The following ATP8B4 variants were observed in gnomAD, a reference collection of about 807,000 sequenced individuals.
ATP8B4 encodes probable phospholipid-transporting ATPase IM.
Under a neutral mutation model 145.6 loss-of-function variants are expected in ATP8B4, and 133 were observed. The ratio of observed to expected loss-of-function variants is 0.91; its 90% CI spans 0.79 to 1.05. ATP8B4 has a LOEUF of 1.05. ATP8B4 is among the 50% of genes least tolerant of loss of function. The pLI, the probability that ATP8B4 is intolerant of heterozygous loss-of-function variation, is 0.00. For synonymous variants in ATP8B4, 507 were observed against 492.9 expected (o/e 1.03, Z -0.38); for missense variants, 1,458 against 1,425.2 (o/e 1.02, Z -0.37).
intron 8 of ATP8B4, among the ~76,000 whole-genome samples, chr15:50,000,163 T>C (rs773357245): frequency 6.6e-6 from 1 of 152,214 alleles, no homozygotes; most frequent in Non-Finnish European, 1.5e-5. Context: ...TAAACATTCA[T>C]GTACAGGTTT....
At chr15:49,941,084 A>T (rs2042129562) in intron 14 of ATP8B4, among the ~76,000 whole-genome samples, 1 of 152,102 alleles carries the variant, frequency 6.6e-6, no homozygotes, top group Non-Finnish European at 1.5e-5. Context: ...ATGGTGGGGG[A>T]TAGGGAGTAG....
chr15:50,145,684 CCTTTCTTT>C (rs538990258), intron 1 of ATP8B4, among the ~76,000 whole-genome samples: 2 of 152,036 alleles, frequency 1.3e-5, no homozygotes, highest in Non-Finnish European at 1.5e-5. Flanking sequence ...CTTTTTCCTT[CCTTTCTTT>C]CTTTCTTTCT....
At chr15:49,963,819 G>A (rs903373209) in intron 13 of ATP8B4, among the ~76,000 whole-genome samples, 3 of 152,028 alleles carry the variant, frequency 2.0e-5, no homozygotes, top group Admixed American at 2.0e-4. Context: ...TAGGTGATGG[G>A]ATGATCTGTC....
intron 14 of ATP8B4, among the ~76,000 whole-genome samples, chr15:49,957,352 CACAA>C (rs1260555011): frequency 2.0e-5 from 3 of 151,630 alleles, no homozygotes; most frequent in Admixed American, 1.3e-4. Context: ...AAGAAACGCA[CACAA>C]ACACACACAC....
At chr15:50,043,577 C>T (rs1283330128) in intron 5 of ATP8B4, among the ~76,000 whole-genome samples, 1 of 152,188 alleles carries the variant, frequency 6.6e-6, no homozygotes, top group Non-Finnish European at 1.5e-5. Context: ...TGATCTACTT[C>T]CACTTAATGA....
chr15:50,113,950 C>T (rs1595605474), intron 1 of ATP8B4, among the ~76,000 whole-genome samples: 1 of 147,966 alleles, frequency 6.8e-6, no homozygotes, highest in Non-Finnish European at 1.5e-5. Flanking sequence ...TACTGTATAA[C>T]ATACAGCAGG....
At chr15:50,017,804 A>C (rs1425606983) in intron 6 of ATP8B4, among the ~76,000 whole-genome samples, 1 of 152,196 alleles carries the variant, frequency 6.6e-6, no homozygotes. Context: ...TTCTGATTTT[A>C]CAGCACAAAG....
rs563561060 is a variant in ATP8B4 at position 50,042,944 on chromosome 15, C to A, written c.300+1650G>T. The stretch of plus-strand genomic sequence containing the variant: ...AACAGCTAGATAATAGATGGCCTAA[C>A]CATAATGATAATTATATTAAACATA... On this transcript the variant is annotated intron_variant, in intron 5 of 27. Transcript: ENST00000284509. 3.9e-5 allele frequency among the ~76,000 whole-genome samples: 6 copies of A among 152,230 alleles called. No homozygotes were observed. In the East Asian group the frequency reaches 1.2e-3, roughly 29 times the overall value.
At chr15:50,111,787 A>T (rs1029726630) in intron 1 of ATP8B4, among the ~76,000 whole-genome samples, 1 of 152,188 alleles carries the variant, frequency 6.6e-6, no homozygotes, top group Non-Finnish European at 1.5e-5. Context: ...CAGACCATTG[A>T]TGTCTCTTTG....
chr15:49,967,492 T>C (rs2044661339), intron 13 of ATP8B4, among the ~76,000 whole-genome samples: 1 of 151,950 alleles, frequency 6.6e-6, no homozygotes, highest in Admixed American at 6.6e-5. Context: ...AATCAATAGC[T>C]GAATCGATCA....
At chr15:49,877,126 T>C (rs925715519) in intron 24 of ATP8B4, among the ~76,000 whole-genome samples, 5 of 152,114 alleles carry the variant, frequency 3.3e-5, no homozygotes, top group Non-Finnish European at 7.4e-5. Context: ...TTACCAGGTG[T>C]TCAGGACAAA....
chr15:49,934,861 G>T (rs1320528560), intron 14 of ATP8B4, among the ~76,000 whole-genome samples: 1 of 152,086 alleles, frequency 6.6e-6, no homozygotes, highest in Admixed American at 6.6e-5. Context: ...TTTATCAGCT[G>T]CAGAGTCCAC....
intron 23 of ATP8B4, chr15:49,885,684 A>T (rs1255190153): frequency 6.6e-6 from 1 of 152,094 alleles, no homozygotes; most frequent in African/African-American, 2.4e-5. Context: ...TATTACCTTA[A>T]CCAGACGCCC....
intron 9 of ATP8B4, among the ~76,000 whole-genome samples, chr15:49,989,176 A>C (rs2046860251): frequency 6.6e-6 from 1 of 152,186 alleles, no homozygotes; most frequent in Non-Finnish European, 1.5e-5. Flanking sequence ...GTAAAAAGTA[A>C]ATTAAAACTG....
At chr15:49,992,177 A>G (rs1757747460) in intron 9 of ATP8B4, among the ~76,000 whole-genome samples, 1 of 152,212 alleles carries the variant, frequency 6.6e-6, no homozygotes, top group Admixed American at 6.6e-5. Context: ...GTTTAACAAG[A>G]TAATGTGTGC....
intron 1 of ATP8B4, among the ~76,000 whole-genome samples, chr15:50,132,239 T>C (rs2044057946): frequency 1.3e-5 from 2 of 152,200 alleles, no homozygotes; most frequent in African/African-American, 2.4e-5. Context: ...TAAGCTTGCA[T>C]TGGTAATATG....
intron 2 of ATP8B4, among the ~76,000 whole-genome samples, chr15:50,091,467 T>A (rs559645052): frequency 6.6e-6 from 1 of 152,282 alleles, no homozygotes; most frequent in East Asian, 1.9e-4. Flanking sequence ...TACTTGGAAA[T>A]CATAAATAAT....
intron 20 of ATP8B4, among the ~76,000 whole-genome samples, chr15:49,916,022 C>A (rs995399405): frequency 6.6e-6 from 1 of 151,696 alleles, no homozygotes; most frequent in Non-Finnish European, 1.5e-5. Flanking sequence ...GTTAGCTCCC[C>A]ATCTAGAATG....
chr15:50,062,647 T>C (rs2053108630), intron 3 of ATP8B4, among the ~76,000 whole-genome samples: 1 of 152,146 alleles, frequency 6.6e-6, no homozygotes, highest in South Asian at 2.1e-4. Flanking sequence ...TGCATCACAA[T>C]AATTTTCAGT....
Sources: gnomAD v4.1 joint callset for allele counts (sites outside exome capture counted in the v4.1 genomes callset) on GRCh38, gnomAD v4.1.1 for gene constraint, MANE v1.5 for transcripts, NCBI Gene and HGNC (gene_info 2026-07-23, HGNC 2026-07-21) for gene names.